The following ZFP42 variants were observed in gnomAD, a reference collection of about 807,000 sequenced individuals.
The protein encoded by ZFP42 is zinc finger protein 42 homolog.
For synonymous variants in ZFP42, 175 were observed against 144.6 expected (o/e 1.21, Z -1.51); for missense variants, 438 against 377.1 (o/e 1.16, Z -1.34).
Position 188,004,856 on chromosome 4 carries a change from G to A in ZFP42, c.*1116G>A, listed in dbSNP as rs958569104. 1.2e-5 allele frequency: 2 copies of A among 167,088 alleles called. No homozygotes were observed. The highest frequency in any genetic ancestry group is 4.8e-5 in the African/African-American group (2 of 41,456). The allele number at this position is 167,088 out of a possible 1,614,324, so 10.4% of individuals were successfully genotyped here. On this transcript the variant is annotated 3_prime_UTR_variant, in exon 4 of 4. Transcript: ENST00000326866. The stretch of plus-strand genomic sequence containing the variant: ...AGCCCTAGAGAATGAAAAATTTGCA[G>A]TAGATAGTCAATAAATGAATCAGTA...
chr4:187,999,322 G>A (rs147564663), intron 2 of ZFP42, 49 bp downstream of exon 2: 2 of 152,110 alleles, frequency 1.3e-5, no homozygotes, highest in East Asian at 1.9e-4. Flanking sequence ...TGTAGAGATG[G>A]GGTTTCACCG....
intron 1 of ZFP42, among the ~76,000 whole-genome samples, chr4:187,998,826 A>T (rs577948150): frequency 5.9e-5 from 9 of 152,324 alleles, no homozygotes; most frequent in African/African-American, 2.2e-4. Flanking sequence ...CATTTCTCAG[A>T]ACATATTCCT....
Position 188,003,573 on chromosome 4 carries a change from TTC to T in ZFP42, c.772_773del (p.Leu258GlyfsTer3). 1 of 1,613,624 alleles carries T rather than the reference TTC, an allele frequency of 6.2e-7. No individual in the cohort carries two copies. ...RCTFEGCGKRFSLDFNLRTHV... is the reference protein window; with the variant it reads ...RCTFEGCGKRXSLDFNLRTHV... ...CACTTTTGAAGGGTGCGGAAAGCGC[TTC>T]TCTCTGGACTTTAATTTGCGTACGC... On this transcript the variant is annotated frameshift_variant, in exon 4 of 4. Coordinates refer to ENST00000326866, the MANE Select transcript of ZFP42 (RefSeq NM_174900.5). LOFTEE classifies it low-confidence loss of function (END_TRUNC).
At chr4:187,997,250 TGAGACAGAGTTTTGCTC>T (rs1733634952) in intron 1 of ZFP42, among the ~76,000 whole-genome samples, 1 of 141,862 alleles carries the variant, frequency 7.0e-6, no homozygotes, top group Non-Finnish European at 1.5e-5. Flanking sequence ...TTTTTTTTTT[TGAGACAGAGTTTTGCTC>T]TTGTCGCTTG....
chr4:188,000,812 T>C (rs1269997147), intron 3 of ZFP42, among the ~76,000 whole-genome samples: 2 of 152,048 alleles, frequency 1.3e-5, no homozygotes, highest in African/African-American at 4.8e-5. Flanking sequence ...TGAAATCCCG[T>C]ATCTACTAAA....
intron 3 of ZFP42, among the ~76,000 whole-genome samples, chr4:188,001,569 T>C (rs1233472115): frequency 6.6e-6 from 1 of 152,218 alleles, no homozygotes; most frequent in African/African-American, 2.4e-5. Context: ...CCTGTTTTAC[T>C]GGAACACAGC....
chr4:187,998,705 T>C (rs1037065983), intron 1 of ZFP42, among the ~76,000 whole-genome samples: 1 of 152,200 alleles, frequency 6.6e-6, no homozygotes, highest in African/African-American at 2.4e-5. Flanking sequence ...ATTTATAGCC[T>C]AGGAGCCATG....
At chr4:188,001,391 A>C (rs1565656) in intron 3 of ZFP42, among the ~76,000 whole-genome samples, 1 of 152,124 alleles carries the variant, frequency 6.6e-6, no homozygotes, top group Non-Finnish European at 1.5e-5. Flanking sequence ...ATTGCTGTTA[A>C]ATGTTTAAGG....
chr4:188,002,574 C>T (rs1733869815), intron 3 of ZFP42, 139 bp from the exon 4 acceptor site: 4 of 540,304 alleles, frequency 7.4e-6, no homozygotes, highest in Non-Finnish European at 1.0e-5. Flanking sequence ...TCATGTCTTA[C>T]ACAGAGCTCA....
chr4:187,999,446 T>C (rs1321170242), intron 2 of ZFP42, among the ~76,000 whole-genome samples, 163 bp from the exon 3 acceptor site: 1 of 152,206 alleles, frequency 6.6e-6, no homozygotes, highest in African/African-American at 2.4e-5. Context: ...GAAATTCCTT[T>C]CTATGTAACA....
intron 3 of ZFP42, 111 bp from the exon 4 acceptor site, chr4:188,002,602 A>G: frequency 1.7e-6 from 1 of 577,324 alleles, no homozygotes; most frequent in East Asian, 2.9e-5. Context: ...TCTCTTGGTT[A>G]GTTTATCAGA....
Position 188,003,226 on chromosome 4 carries a change from C to T in ZFP42, c.419C>T (p.Ser140Leu), listed in dbSNP as rs866099446. The T allele has an allele frequency of 6.2e-7, 1 of 1,614,004 alleles. No homozygotes were observed. The highest frequency in any genetic ancestry group is 8.5e-7 in the Non-Finnish European group (1 of 1,180,018). ...ELPQKIVGEN[S>L]LEYSEYMTGK... Reference sequence around the variant, plus strand: ...CCACAAAAGATAGTTGGAGAGAATTCGCTTGAGTATTCTGAGTACATGACA... The same window carrying T: ...CCACAAAAGATAGTTGGAGAGAATTTGCTTGAGTATTCTGAGTACATGACA... Residue 140 changes from serine (S) to leucine (L), a missense_variant, in exon 4 of 4, where the codon TCG becomes TTG. Transcript: ENST00000326866.
intron 1 of ZFP42, among the ~76,000 whole-genome samples, chr4:187,996,552 C>T (rs373978544): frequency 9.9e-5 from 15 of 152,180 alleles, no homozygotes; most frequent in African/African-American, 3.6e-4. Flanking sequence ...TCAGATGATC[C>T]GCCCGCCTCA....
At chr4:188,002,107 G>A (rs1733847004) in intron 3 of ZFP42, among the ~76,000 whole-genome samples, 1 of 152,178 alleles carries the variant, frequency 6.6e-6, no homozygotes, top group Non-Finnish European at 1.5e-5. Flanking sequence ...AACCCGGGAG[G>A]TGGAGGTTGC....
At chr4:187,996,285 A>G (rs1332641693) in intron 1 of ZFP42, among the ~76,000 whole-genome samples, 1 of 151,838 alleles carries the variant, frequency 6.6e-6, no homozygotes, top group Admixed American at 6.6e-5. Context: ...AAATTACTCT[A>G]GCAAAAAACC....
intron 3 of ZFP42, among the ~76,000 whole-genome samples, chr4:188,002,037 C>T (rs1424852124): frequency 2.0e-5 from 3 of 152,198 alleles, no homozygotes; most frequent in Admixed American, 2.0e-4. Flanking sequence ...AGTAGCCAGG[C>T]GTGGTGGCGT....
At chr4:187,997,228 C>CTTTTTTTTTTTTTT (rs71595201) in intron 1 of ZFP42, among the ~76,000 whole-genome samples, 3,389 of 59,960 alleles carry the variant, frequency 0.057, 852 homozygotes, top group South Asian at 0.084. Flanking sequence ...CTCTCATATT[C>CTTTTTTTTTTTTTT]TTTTTTTTTT....
Position 188,002,819 on chromosome 4 carries a change from A to G in ZFP42, c.12A>G (p.Gln4=). 1.9e-6 allele frequency: 3 copies of G among 1,613,854 alleles called. No individual in the cohort carries two copies. Among genetic ancestry groups the G allele is most frequent in the Non-Finnish European group, 2.5e-6 (3 of 1,179,928 alleles). ...ACAGGCAGGAAAACATGAGCCAGCA[A>G]CTGAAGAAACGGGCAAAGACAAGAC... MSQ[Q]LKKRAKTRHQ... Residue 4 remains glutamine, a synonymous_variant, in exon 4 of 4, where the codon CAA becomes CAG. Transcript: ENST00000326866.
At chr4:188,005,181 T>TAA (rs1241443268), downstream of ZFP42, 3 of 164,572 alleles carry the variant, frequency 1.8e-5, no homozygotes, top group Admixed American at 2.0e-4. Flanking sequence ...AAGTTGGGCT[T>TAA]ACGTGTGGTT....
Sources: allele counts gnomAD v4.1 joint callset (sites outside exome capture counted in the v4.1 genomes callset), GRCh38; gene constraint gnomAD v4.1.1; transcripts MANE v1.5; gene names NCBI Gene and HGNC (gene_info 2026-07-23, HGNC 2026-07-21).